MEGF11: variants seen among roughly 807,000 people sequenced by gnomAD.
The protein encoded by MEGF11 is multiple epidermal growth factor-like domains protein 11.
In MEGF11, 126 loss-of-function variants were observed where a neutral mutation model predicts 146.6. The ratio of observed to expected loss-of-function variants is 0.86; its 90% confidence interval spans 0.74 to 1.00. MEGF11 has a LOEUF of 1.00. Ranked by LOEUF, MEGF11 falls within the 50% of genes least tolerant of loss-of-function variation. The pLI, the probability that MEGF11 is intolerant of heterozygous loss-of-function variation, is 0.00. For missense variants in MEGF11, 1,509 were observed against 1,521.2 expected (o/e 0.99, Z 0.13); for synonymous variants, 532 against 583.4 (o/e 0.91, Z 1.27).
At chr15:66,212,918 G>A (rs1034481399) in intron 1 of MEGF11, among the ~76,000 whole-genome samples, 3 of 152,258 alleles carry the variant, frequency 2.0e-5, no homozygotes, top group African/African-American at 7.2e-5. Context: ...CCAGACAGTG[G>A]AGGCAGGGAG....
At chr15:66,070,630 G>A (rs1353636450) in intron 5 of MEGF11, among the ~76,000 whole-genome samples, 2 of 152,180 alleles carry the variant, frequency 1.3e-5, no homozygotes, top group Non-Finnish European at 2.9e-5. Context: ...AGGTAATGCT[G>A]GGCTAAGGTG....
intron 17 of MEGF11, chr15:65,916,533 C>A: frequency 1.5e-6 from 1 of 651,066 alleles, no homozygotes; most frequent in Non-Finnish European, 2.6e-6. Flanking sequence ...TGGACACAGG[C>A]TGCTCCTCCC....
intron 2 of MEGF11, among the ~76,000 whole-genome samples, chr15:66,124,653 A>C (rs555951396): frequency 6.6e-6 from 1 of 152,214 alleles, no homozygotes. Flanking sequence ...CTTTTACTCT[A>C]TTCTGCCTCT....
chr15:66,066,677 C>A (rs2085140171), intron 5 of MEGF11, among the ~76,000 whole-genome samples: 1 of 152,218 alleles, frequency 6.6e-6, no homozygotes, highest in African/African-American at 2.4e-5. Context: ...CTTGCCACAC[C>A]CCTAGGGGGG....
intron 5 of MEGF11, among the ~76,000 whole-genome samples, chr15:66,082,800 C>T (rs931924410): frequency 2.0e-4 from 31 of 151,960 alleles, no homozygotes; most frequent in African/African-American, 6.8e-4. Flanking sequence ...TCTTTCTTCC[C>T]GCCTCCCTCC....
chr15:66,021,593 G>C (rs1291108255), intron 5 of MEGF11, among the ~76,000 whole-genome samples: 4 of 152,228 alleles, frequency 2.6e-5, no homozygotes, highest in East Asian at 1.9e-4. Context: ...AAGGAAAAAG[G>C]CTGTGTCCCA....
chr15:66,226,847 G>A lies in MEGF11; in HGVS notation c.-9+26758C>T, dbSNP rs113468302. Among the ~76,000 whole-genome samples the A allele has an allele frequency of 6.8e-3, 1,039 of 152,072 alleles. 8 individuals are homozygous for A. Among genetic ancestry groups the A allele is most frequent in the Non-Finnish European group, 0.012 (789 of 67,970 alleles). ...CGTGTGTTCACACACATCCTCTAGC[G>A]CATGCACACTCACACACATACCCAG... On this transcript the variant is annotated intron_variant, in intron 1 of 25. Transcript: ENST00000395614.
At chr15:66,190,825 G>T (rs149211150) in intron 1 of MEGF11, among the ~76,000 whole-genome samples, 2,369 of 152,270 alleles carry the variant, frequency 0.016, 33 homozygotes, top group Non-Finnish European at 0.026. Flanking sequence ...AGTCCAGGAA[G>T]GGCCTAATTT....
intron 1 of MEGF11, among the ~76,000 whole-genome samples, chr15:66,240,703 T>C (rs1218958705): frequency 6.6e-6 from 1 of 152,178 alleles, no homozygotes; most frequent in East Asian, 1.9e-4. Flanking sequence ...ACAGGTTAGG[T>C]AGCTGGTCAG....
At chr15:65,935,884 C>T (rs936506211) in intron 10 of MEGF11, among the ~76,000 whole-genome samples, 1 of 152,172 alleles carries the variant, frequency 6.6e-6, no homozygotes, top group Non-Finnish European at 1.5e-5. Flanking sequence ...GAGGGTGAGG[C>T]CTGGTGTATA....
intron 5 of MEGF11, among the ~76,000 whole-genome samples, chr15:65,987,571 T>C (rs932634523): frequency 2.6e-5 from 4 of 152,222 alleles, no homozygotes; most frequent in Admixed American, 6.5e-5. Flanking sequence ...ATTAATTACA[T>C]TCACAGTGTT....
chr15:65,929,674 G>A, intron 12 of MEGF11, 46 bp downstream of exon 12: 1 of 1,532,688 alleles, frequency 6.5e-7, no homozygotes, highest in Non-Finnish European at 8.8e-7. Flanking sequence ...GAAAGGGCGT[G>A]AGGGGATGCG....
chr15:66,082,672 C>CAAAAAA (rs71139462), intron 5 of MEGF11, among the ~76,000 whole-genome samples: 4,616 of 39,014 alleles, frequency 0.12, 617 homozygotes, highest in Middle Eastern at 0.34. Context: ...GACTCTGTCT[C>CAAAAAA]AAAAAAAAAA....
chr15:66,005,660 G>A (rs751318566), intron 5 of MEGF11, among the ~76,000 whole-genome samples: 4 of 152,126 alleles, frequency 2.6e-5, no homozygotes, highest in Admixed American at 6.5e-5. Flanking sequence ...CAAGCATCAC[G>A]GACTTTCAGA....
intron 21 of MEGF11, 103 bp from the exon 22 acceptor site, chr15:65,909,909 G>T: frequency 9.8e-7 from 1 of 1,023,350 alleles, no homozygotes; most frequent in Non-Finnish European, 1.5e-6. Flanking sequence ...TAATAATCCT[G>T]ACCCACCTGG....
chr15:66,007,247 A>G (rs918970394), intron 5 of MEGF11, among the ~76,000 whole-genome samples: 1 of 152,260 alleles, frequency 6.6e-6, no homozygotes, highest in African/African-American at 2.4e-5. Context: ...GGCTTATGCA[A>G]TGTTTAGCCT....
intron 5 of MEGF11, among the ~76,000 whole-genome samples, chr15:66,089,857 G>A (rs1168549123): frequency 6.6e-6 from 1 of 152,178 alleles, no homozygotes; most frequent in Non-Finnish European, 1.5e-5. Context: ...CTCCACTTGT[G>A]AGATTAGTGC....
chr15:66,111,201 G>T (rs1196495385), intron 4 of MEGF11, among the ~76,000 whole-genome samples: 1 of 152,174 alleles, frequency 6.6e-6, no homozygotes, highest in Non-Finnish European at 1.5e-5. Flanking sequence ...TACTGCAGGT[G>T]AAAGCGCCGG....
chr15:66,241,903 G>A (rs938368498), intron 1 of MEGF11, among the ~76,000 whole-genome samples: 2 of 152,124 alleles, frequency 1.3e-5, no homozygotes, highest in African/African-American at 4.8e-5. Flanking sequence ...GTGGATAACA[G>A]CAGCACATAC....
Sources: gnomAD v4.1 joint callset for allele counts (sites outside exome capture counted in the v4.1 genomes callset) on GRCh38, gnomAD v4.1.1 for gene constraint, MANE v1.5 for transcripts, NCBI Gene and HGNC (gene_info 2026-07-23, HGNC 2026-07-21) for gene names.